Variants in MRPL13 observed in about 807,000 individuals in gnomAD.
MRPL13 encodes the protein large ribosomal subunit protein uL13m.
Under a neutral mutation model 29.0 loss-of-function variants are expected in MRPL13, and 33 were observed. That is an observed-to-expected ratio of 1.14 (90% CI 0.86 to 1.52). MRPL13 has a LOEUF of 1.52. MRPL13 is among the 40% of genes most tolerant of loss of function. The pLI is 0.00. For missense variants in MRPL13, 227 were observed against 216.7 expected (o/e 1.05, Z -0.30); for synonymous variants, 77 against 68.4 (o/e 1.13, Z -0.62).
chr8:120,413,281 T>A (rs1207944065), intron 6 of MRPL13, among the ~76,000 whole-genome samples: 1 of 152,234 alleles, frequency 6.6e-6, no homozygotes, highest in African/African-American at 2.4e-5. Context: ...GACAAACATG[T>A]AGCTCCCTCA....
chr8:120,413,932 T>C, intron 6 of MRPL13, 59 bp downstream of exon 6: 2 of 1,426,690 alleles, frequency 1.4e-6, no homozygotes, highest in Non-Finnish European at 1.8e-6. Flanking sequence ...TTTAATCATA[T>C]GGTTGAGGAA....
chr8:120,414,717 C>T (rs1025696885), intron 5 of MRPL13: 2 of 152,258 alleles, frequency 1.3e-5, no homozygotes, highest in African/African-American at 4.8e-5. Flanking sequence ...GTCCACCTCT[C>T]CAATGTCACT....
chr8:120,412,462 G>A (rs899693524), intron 6 of MRPL13, among the ~76,000 whole-genome samples: 13 of 152,186 alleles, frequency 8.5e-5, no homozygotes, highest in African/African-American at 2.9e-4. Flanking sequence ...TCAGAAGTAT[G>A]GAGTGGCTCT....
At chr8:120,411,272 T>C (rs1456080057) in intron 6 of MRPL13, among the ~76,000 whole-genome samples, 1 of 152,142 alleles carries the variant, frequency 6.6e-6, no homozygotes, top group East Asian at 1.9e-4. Context: ...CTTGCCATCT[T>C]GCCCAGGCCG....
intron 3 of MRPL13, among the ~76,000 whole-genome samples, chr8:120,427,730 G>A (rs958693565): frequency 6.6e-6 from 1 of 152,104 alleles, no homozygotes; most frequent in African/African-American, 2.4e-5. Flanking sequence ...GTGGAAGGCT[G>A]AGGTGTGAGG....
In MRPL13 at chr8:120,443,316, G is replaced by C. The variant is rs1454061883; in HGVS notation, c.28-8C>G. On this transcript the variant is annotated splice_polypyrimidine_tract_variant and splice_region_variant and intron_variant, in intron 1 of 6. Coordinates refer to ENST00000306185, the MANE Select transcript of MRPL13 (RefSeq NM_014078.6). ...AGCAAAAGTGGCCCATTGCTTGGGG[G>C]GGAAAAAAAAAAAAAAGAAGAGGAA... 5 of 1,464,606 alleles carry C rather than the reference G, an allele frequency of 3.4e-6. No individual in the cohort carries two copies. The highest frequency in any genetic ancestry group is 3.6e-6 in the Non-Finnish European group (4 of 1,107,808). 90.7% of individuals were successfully genotyped at this position (1,464,606 alleles called of 1,614,324 possible).
chr8:120,397,288 C>T (rs116759918), intron 6 of MRPL13, among the ~76,000 whole-genome samples: 2,085 of 152,198 alleles, frequency 0.014, 43 homozygotes, highest in African/African-American at 0.046. Context: ...AGACTCTAGC[C>T]CCAGGAATCC....
intron 5 of MRPL13, chr8:120,414,337 T>C (rs1812780043): frequency 3.5e-6 from 1 of 286,662 alleles, no homozygotes; most frequent in South Asian, 7.0e-5. Context: ...TAAAATGTGC[T>C]GTTTATTTCC....
intron 6 of MRPL13, among the ~76,000 whole-genome samples, chr8:120,402,186 T>C (rs902050592): frequency 2.6e-5 from 4 of 152,140 alleles, no homozygotes; most frequent in Admixed American, 6.6e-5. Context: ...AGAGCCCAAA[T>C]AGCCAAGACA....
chr8:120,415,611 C>G (rs1812794373), intron 5 of MRPL13: 1 of 152,056 alleles, frequency 6.6e-6, no homozygotes, highest in South Asian at 2.1e-4. Context: ...TTTGGATAGG[C>G]TGGGTCACTA....
intron 4 of MRPL13, among the ~76,000 whole-genome samples, chr8:120,424,347 A>C (rs2130472261): frequency 6.6e-6 from 1 of 152,292 alleles, no homozygotes; most frequent in Non-Finnish European, 1.5e-5. Context: ...AATAAAACAT[A>C]AACAAGCAGG....
chr8:120,425,379 G>A lies in MRPL13; in HGVS notation c.246-13C>T, dbSNP rs768107558. 1.2e-6 allele frequency: 2 copies of A among 1,604,050 alleles called. No homozygotes were observed. Among genetic ancestry groups the A allele is most frequent in the Non-Finnish European group, 1.7e-6 (2 of 1,171,520 alleles). ...TCCACCTGGGTAGCTGTTAAAAGGA[G>A]AAAAGACATTAAAACTGGGCATAGG... On this transcript the variant is annotated splice_polypyrimidine_tract_variant and intron_variant, in intron 3 of 6. Transcript: ENST00000306185.
chr8:120,404,381 AATGGT>A, intron 6 of MRPL13, among the ~76,000 whole-genome samples: 1 of 152,338 alleles, frequency 6.6e-6, no homozygotes, highest in East Asian at 1.9e-4. Context: ...AGTAAAATTG[AATGGT>A]ATAATCCACC....
intron 6 of MRPL13, among the ~76,000 whole-genome samples, chr8:120,409,392 T>C (rs542208576): frequency 1.3e-5 from 2 of 152,194 alleles, no homozygotes; most frequent in Non-Finnish European, 2.9e-5. Context: ...TTGAAACATT[T>C]CCCTTACAAT....
intron 2 of MRPL13, 113 bp downstream of exon 2, chr8:120,443,072 A>C: frequency 9.4e-7 from 1 of 1,067,690 alleles, no homozygotes; most frequent in Non-Finnish European, 1.3e-6. Flanking sequence ...GGAATACAGG[A>C]TCCTCAGGAA....
rs1424103541 is a variant in MRPL13 at position 120,410,640 on chromosome 8, C to T, written c.515+3351G>A. ...CACGTAATTTTATTTACTAAAATTA[C>T]ATCAAATAAAAAATTCAGTTCCTTA... On this transcript the variant is annotated intron_variant, in intron 6 of 6. Transcript: ENST00000306185. Among the ~76,000 whole-genome samples the T allele has an allele frequency of 5.3e-5, 8 of 152,278 alleles. No individual in the cohort carries two copies. In the South Asian group the frequency reaches 6.2e-4, roughly 12 times the overall value.
chr8:120,425,232 A>G, intron 4 of MRPL13, 74 bp downstream of exon 4: 1 of 1,133,366 alleles, frequency 8.8e-7, no homozygotes, highest in South Asian at 1.3e-5. Flanking sequence ...TAAAATAATG[A>G]GAAGGGAGAC....
chr8:120,406,485 TA>T, intron 6 of MRPL13, among the ~76,000 whole-genome samples: 1 of 151,968 alleles, frequency 6.6e-6, no homozygotes, highest in South Asian at 2.1e-4. Context: ...GCGCCGGGAA[TA>T]AAGTAGTGAG....
intron 3 of MRPL13, among the ~76,000 whole-genome samples, chr8:120,429,596 C>T (rs533497065): frequency 1.3e-5 from 2 of 151,884 alleles, no homozygotes; most frequent in East Asian, 3.9e-4. Context: ...GATCAAGTAT[C>T]GTAAATCATT....
Sources: allele counts gnomAD v4.1 joint callset (sites outside exome capture counted in the v4.1 genomes callset), GRCh38; gene constraint gnomAD v4.1.1; transcripts MANE v1.5; gene names NCBI Gene and HGNC (gene_info 2026-07-23, HGNC 2026-07-21).